The following AKNA variants were observed in gnomAD, a reference collection of about 807,000 sequenced individuals.
AKNA encodes the protein microtubule organization protein AKNA.
Under a neutral mutation model 138.8 loss-of-function variants are expected in AKNA, and 67 were observed. The observed-to-expected ratio is 0.48, with a 90% CI of 0.40 to 0.59. The LOEUF (loss-of-function observed/expected upper bound fraction) is 0.59. AKNA is among the 20% of genes least tolerant of loss of function. The pLI is 0.00. For missense variants in AKNA, 1,813 were observed against 1,880.4 expected (o/e 0.96, Z 0.66); for synonymous variants, 737 against 754.4 (o/e 0.98, Z 0.38).
rs746655689 is a variant in AKNA, at chr9:114,345,911, C to T, written c.3613G>A (p.Gly1205Ser). ...ACCCTGTCTGGCCATCCAGCACTGC[C>T]CACCCCTCTCTTTCCATCCCGAGCT... ...QAARDGKRGV[G>S]SAGWPDRVTF... Residue 1205 changes from glycine (G) to serine (S), a missense_variant, in exon 18 of 22, where the codon GGC becomes AGC. By Grantham distance (56) the Gly-to-Ser change is moderately conservative (BLOSUM62 0). Coordinates refer to ENST00000374088, the MANE Select transcript of AKNA (RefSeq NM_001317950.2). 20 of 1,614,028 alleles carry T rather than the reference C, an allele frequency of 1.2e-5. No individual in the cohort carries two copies. The South Asian group carries it at 2.2e-4, about 18-fold the overall frequency.
At chr9:114,354,712 C>CA (rs1214629422) in intron 14 of AKNA, among the ~76,000 whole-genome samples, 1,802 of 65,998 alleles carry the variant, frequency 0.027, 45 homozygotes, top group African/African-American at 0.057. Context: ...GACTCTGTCT[C>CA]AAAAAAAAAA....
At chr9:114,341,855 G>T (rs1830378345) in intron 20 of AKNA, 130 bp from the exon 21 acceptor site, 2 of 1,314,246 alleles carry the variant, frequency 1.5e-6, no homozygotes. Flanking sequence ...CTCCATGTCG[G>T]GGAGGTCTCT....
At chr9:114,362,258 C>T (rs1832023291) in intron 8 of AKNA, 148 bp downstream of exon 8, 10 of 1,273,636 alleles carry the variant, frequency 7.9e-6, no homozygotes, top group Non-Finnish European at 1.1e-5. Context: ...GATCGTGCCA[C>T]CATTTGGATA....
chr9:114,377,037 G>A lies in AKNA; in HGVS notation c.770C>T (p.Ala257Val), dbSNP rs1833281031. ...GGAGTCCTGGAATTCCATGGGGGTT[G>A]CCCGAGCAACACTGCCTCCAGTTCT... ...DGRTGGSVAR[A>V]TPMEFQDSSA... is the part of the protein sequence containing the mutation. Residue 257 changes from alanine (A) to valine (V), a missense_variant, in exon 3 of 22, where the codon GCA becomes GTA. By Grantham distance (64) the Ala-to-Val change is moderately conservative. Transcript: ENST00000374088. The A allele has an allele frequency of 6.2e-7, 1 of 1,614,052 alleles. No individual in the cohort carries two copies. The highest frequency in any genetic ancestry group is 1.3e-5 in the African/African-American group (1 of 74,920).
At chr9:114,385,558 A>G (rs533200117) in intron 1 of AKNA, among the ~76,000 whole-genome samples, 10 of 152,336 alleles carry the variant, frequency 6.6e-5, no homozygotes, top group African/African-American at 2.4e-4. Context: ...AGCCTGCCCA[A>G]TCACAGAGCC....
chr9:114,357,508 T>G (rs1332356769), intron 12 of AKNA, among the ~76,000 whole-genome samples: 2 of 123,846 alleles, frequency 1.6e-5, no homozygotes, highest in Non-Finnish European at 3.4e-5. Flanking sequence ...TCGTTAGGAC[T>G]ACAGAAGTGT....
chr9:114,350,913 G>A lies in AKNA; in HGVS notation c.3167C>T (p.Pro1056Leu), dbSNP rs139913868. The A allele has an allele frequency of 1.2e-6, 2 of 1,609,128 alleles. No individual in the cohort carries two copies. The highest frequency in any genetic ancestry group is 2.7e-5 in the African/African-American group (2 of 74,836). The change falls in exon 15 of 22, where the codon CCC (proline) becomes CTC (leucine). Residue 1056 changes from proline (P) to leucine (L), a missense_variant. Transcript: ENST00000374088. The stretch of plus-strand genomic sequence containing the variant: ...GGGGATGGTCTCTGTTGGTCCACAG[G>A]GTAGAGGCGCAGCGGCAGGGGCGGG... ...PAPAPAAAPL[P>L]CGPTETIPSF...
rs200169111 is a variant in AKNA at position 114,343,732 on chromosome 9, G to A, written c.3733C>T (p.Arg1245Trp). 2.8e-5 allele frequency: 46 copies of A among 1,614,198 alleles called. No homozygotes were observed. Among genetic ancestry groups the A allele is most frequent in the East Asian group, 2.2e-4 (10 of 44,886 alleles). Residue 1245 changes from arginine to tryptophan, a missense_variant, in exon 19 of 22, where the codon CGG becomes TGG. Physicochemically the swap from Arg to Trp is moderately radical, Grantham distance 101 (BLOSUM62 -3). Transcript: ENST00000374088. Reference sequence around the variant, plus strand: ...CCCGCATCCTGGGTCCTAATGGGCCGGCAGTGGGGACAGGAGACTGTGCCA... The same window carrying A: ...CCCGCATCCTGGGTCCTAATGGGCCAGCAGTGGGGACAGGAGACTGTGCCA... ...GNGTVSCPHCRPIRTQDAGGA... is the reference protein window; with the variant it reads ...GNGTVSCPHCWPIRTQDAGGA...
At chr9:114,396,032 A>G (rs566625876), upstream of AKNA, among the ~76,000 whole-genome samples, 51 of 152,282 alleles carry the variant, frequency 3.3e-4, no homozygotes, top group African/African-American at 1.1e-3. Flanking sequence ...AGGGACAACA[A>G]TAACACCCAC....
Position 114,346,712 on chromosome 9 carries a change from G to A in AKNA, c.3471C>T (p.Ala1157=). ...EQIVPPGRQR[A]RSSSVPREVL... ...CCTCCCGAGGCACTGAGGAAGACCT[G>A]GCTCGCTGCCTTCCTGGAGGGACAA... The change falls in exon 17 of 22, where the codon GCC becomes GCT. Residue 1157 remains alanine, a synonymous_variant. Transcript: ENST00000374088. The A allele has an allele frequency of 1.2e-6, 2 of 1,612,890 alleles. No homozygotes were observed. Among genetic ancestry groups the A allele is most frequent in the South Asian group, 2.2e-5 (2 of 90,816 alleles).
At chr9:114,382,013 G>A (rs1052513955) in intron 1 of AKNA, among the ~76,000 whole-genome samples, 3 of 152,182 alleles carry the variant, frequency 2.0e-5, no homozygotes, top group South Asian at 2.1e-4. Flanking sequence ...GTGCACCAAC[G>A]AACAGGTGTT....
In AKNA at chr9:114,382,329, G is replaced by A. The variant is rs946470112; in HGVS notation, c.-113-883C>T. On this transcript the variant is annotated intron_variant, in intron 1 of 21. Coordinates refer to ENST00000374088, the MANE Select transcript of AKNA (RefSeq NM_001317950.2). ...TTCCAGGCCAGGTAGGAGAGCTCACGCCTATAATCCCAGCACTTTGGGAGG... is the reference window on the plus strand; with the variant it reads ...TTCCAGGCCAGGTAGGAGAGCTCACACCTATAATCCCAGCACTTTGGGAGG... Among the ~76,000 whole-genome samples the A allele has an allele frequency of 3.9e-5, 6 of 152,114 alleles. No individual in the cohort carries two copies. The East Asian group carries it at 5.8e-4, about 15-fold the overall frequency.
At chr9:114,390,052 C>G (rs1342269871), upstream of AKNA, among the ~76,000 whole-genome samples, 1 of 152,198 alleles carries the variant, frequency 6.6e-6, no homozygotes, top group Non-Finnish European at 1.5e-5. Context: ...CTGTCACTCA[C>G]TCACCCTCCC....
chr9:114,349,291 A>C (rs955660077), intron 15 of AKNA, among the ~76,000 whole-genome samples: 4 of 152,116 alleles, frequency 2.6e-5, no homozygotes, highest in African/African-American at 7.2e-5. Flanking sequence ...CTTAACATTC[A>C]TCTTTCTCTG....
At position 114,335,306 on chromosome 9, in the gene AKNA, G is replaced by C. The variant is rs1829944090; in HGVS notation, c.*1748C>G. Reference sequence around the variant, plus strand: ...TAAATCCAGGTTCTCTCCCAAACCAGTTTGGGCAGATGGCCCATTGGAACC... The same window carrying C: ...TAAATCCAGGTTCTCTCCCAAACCACTTTGGGCAGATGGCCCATTGGAACC... On this transcript the variant is annotated 3_prime_UTR_variant, in exon 22 of 22. Coordinates refer to ENST00000374088, the MANE Select transcript of AKNA (RefSeq NM_001317950.2). 6.6e-6 allele frequency: 1 copy of C among 152,274 alleles called. No homozygotes were observed. The highest frequency in any genetic ancestry group is 2.1e-4 in the South Asian group (1 of 4,836). The allele number at this position is 152,274 out of a possible 1,614,324, so 9.4% of individuals were successfully genotyped here.
chr9:114,330,604 C>T (rs758006423), downstream of AKNA: 4 of 1,610,710 alleles, frequency 2.5e-6, no homozygotes, highest in South Asian at 3.3e-5. Context: ...AATGCACCCC[C>T]ATCTCAGCTT....
At chr9:114,364,135 T>C (rs1158332299) in intron 7 of AKNA, among the ~76,000 whole-genome samples, 2 of 151,724 alleles carry the variant, frequency 1.3e-5, no homozygotes, top group Non-Finnish European at 2.9e-5. Flanking sequence ...GGATAATTTG[T>C]GGAAAGTAGT....
Position 114,341,990 on chromosome 9 carries a change from A to G in AKNA, c.3874+19T>C. 1 of 1,599,550 alleles carries G rather than the reference A, an allele frequency of 6.3e-7. No homozygotes were observed. Among genetic ancestry groups the G allele is most frequent in the South Asian group, 1.1e-5 (1 of 90,800 alleles). ...GAGCTGAGGGTCTGGCTAAGAGAAG[A>G]AACAGTATTTGTCCCTACCAGAGGT... On this transcript the variant is annotated intron_variant, in intron 20 of 21. Coordinates refer to ENST00000374088, the MANE Select transcript of AKNA (RefSeq NM_001317950.2).
intron 7 of AKNA, among the ~76,000 whole-genome samples, chr9:114,363,581 C>T (rs1442282470): frequency 5.3e-5 from 8 of 152,168 alleles, no homozygotes; most frequent in Admixed American, 4.6e-4. Flanking sequence ...AAATATCCTG[C>T]CATAACATTT....
Sources: allele counts gnomAD v4.1 joint callset (sites outside exome capture counted in the v4.1 genomes callset), GRCh38; gene constraint gnomAD v4.1.1; transcripts MANE v1.5; gene names NCBI Gene and HGNC (gene_info 2026-07-23, HGNC 2026-07-21).